The following PHKA2 variants were observed in gnomAD, a reference collection of about 807,000 sequenced individuals.
PHKA2 encodes phosphorylase b kinase regulatory subunit alpha, liver isoform.
Under a neutral mutation model 102.0 loss-of-function variants are expected in PHKA2, and 31 were observed. The observed-to-expected ratio is 0.30, with a 90% CI of 0.23 to 0.41. The LOEUF (loss-of-function observed/expected upper bound fraction) is 0.41. Among genes scored for constraint, PHKA2 ranks in the 10% least tolerant of loss-of-function variants. The pLI, the probability that PHKA2 is intolerant of heterozygous loss-of-function variation, is 1.00. For synonymous variants in PHKA2, 455 were observed against 416.2 expected (o/e 1.09, Z -1.13); for missense variants, 858 against 1,023.1 (o/e 0.84, Z 2.20).
rs151036725 is a variant in PHKA2 at position 18,931,667 on chromosome X, A to T, written c.1219T>A (p.Tyr407Asn). The T allele has an allele frequency of 8.3e-7, 1 of 1,204,652 alleles. No individual in the cohort carries two copies. The highest frequency in any genetic ancestry group is 1.1e-6 in the Non-Finnish European group (1 of 888,913). ...TCTGCCAACAGCGAGCTGAGGATGT[A>T]CAAGGATTGGCCCCACAGATGAGGC... The part of the protein sequence containing the change: ...KVPHLWGQSL[Y>N]ILSSLLAEGF... Residue 407 changes from tyrosine (Y) to asparagine (N), a missense_variant, in exon 12 of 33, where the codon TAC becomes AAC. By Grantham distance (143) the Tyr-to-Asn change is moderately radical. Around this residue, in one of 2 missense-constraint regions of PHKA2, gnomAD observed 671 missense variants for 745.2 expected, o/e 0.90. Coordinates refer to ENST00000379942, the MANE Select transcript of PHKA2 (RefSeq NM_000292.3).
At chrX:18,958,502 G>A (rs912580441) in intron 1 of PHKA2, among the ~76,000 whole-genome samples, 5 of 111,184 alleles carry the variant, frequency 4.5e-5, no homozygotes, top group African/African-American at 9.8e-5. Flanking sequence ...ATAACTATTC[G>A]CTATCTCTGC....
chrX:18,935,236 T>C (rs974094732), intron 11 of PHKA2, among the ~76,000 whole-genome samples: 1 of 112,478 alleles, frequency 8.9e-6, no homozygotes, highest in African/African-American at 3.2e-5. Context: ...AATAGGTCCA[T>C]CATGACCCAA....
chrX:18,972,959 T>C (rs2049035975), intron 1 of PHKA2, among the ~76,000 whole-genome samples: 2 of 112,436 alleles, frequency 1.8e-5, no homozygotes, highest in African/African-American at 6.5e-5. Context: ...ATTTTCACAT[T>C]ACCCTTTATC....
In PHKA2 at chrX:18,901,549, C is replaced by T. The variant is rs1481733304; in HGVS notation, c.2963G>A (p.Gly988Asp). 1 of 1,204,052 alleles carries T rather than the reference C, an allele frequency of 8.3e-7. No homozygotes were observed. The highest frequency in any genetic ancestry group is 1.8e-5 in the African/African-American group (1 of 56,337). The change falls in exon 27 of 33, where the codon GGC becomes GAC. Residue 988 changes from glycine (G) to aspartate (D), a missense_variant. Physicochemically the swap from Gly to Asp is moderately conservative, Grantham distance 94. Coordinates refer to ENST00000379942, the MANE Select transcript of PHKA2 (RefSeq NM_000292.3). ...SSPTISIHEV[G>D]HTGVTKTERS... ...CTCAGTTTTGGTGACTCCGGTATGG[C>T]CCACCTCGTGGATGGAGATGGTAGG...
At chrX:18,895,712 A>G (rs777802657) in intron 30 of PHKA2, 6 of 123,330 alleles carry the variant, frequency 4.9e-5, no homozygotes, top group Non-Finnish European at 1.0e-4. Context: ...TCATAATAGA[A>G]ATATCTTGGT....
At chrX:18,940,990 G>A (rs760485217) in intron 8 of PHKA2, among the ~76,000 whole-genome samples, 14 of 112,328 alleles carry the variant, frequency 1.2e-4, no homozygotes, top group African/African-American at 4.5e-4. Context: ...TGGAACCTAA[G>A]TAGGACAATC....
chrX:18,903,502 G>C (rs777211596), intron 26 of PHKA2, among the ~76,000 whole-genome samples: 1 of 112,592 alleles, frequency 8.9e-6, no homozygotes, highest in Non-Finnish European at 1.9e-5. Context: ...CCCTGTCTGG[G>C]CAGCAGATGC....
In PHKA2 at chrX:18,983,959, C is replaced by T; in HGVS notation, c.-27G>A. 2.6e-6 allele frequency: 3 copies of T among 1,171,828 alleles called. No individual in the cohort carries two copies. The highest frequency in any genetic ancestry group is 3.5e-6 in the Non-Finnish European group (3 of 858,953). On this transcript the variant is annotated 5_prime_UTR_variant, in exon 1 of 33. Coordinates refer to ENST00000379942, the MANE Select transcript of PHKA2 (RefSeq NM_000292.3). ...TCCCCGAGGCTCCCAGGCCGCAGCG[C>T]CCGATCTGCCGCGTGGGCGCGGGAC...
At chrX:18,972,306 C>A (rs1270873191) in intron 1 of PHKA2, among the ~76,000 whole-genome samples, 1 of 111,958 alleles carries the variant, frequency 8.9e-6, no homozygotes, top group African/African-American at 3.2e-5. Context: ...TTTTAATGAC[C>A]TTAGATTTAT....
chrX:18,906,905 G>T, intron 23 of PHKA2, 91 bp from the exon 24 acceptor site: 1 of 1,008,360 alleles, frequency 9.9e-7, no homozygotes, highest in Middle Eastern at 2.6e-4. Flanking sequence ...TTCTGTGCTA[G>T]ACGCATCCAT....
intron 17 of PHKA2, among the ~76,000 whole-genome samples, chrX:18,921,543 T>G (rs903787121): frequency 3.6e-5 from 4 of 112,602 alleles, no homozygotes; most frequent in Admixed American, 1.9e-4. Context: ...TAGTTATAAC[T>G]CCTATATGTA....
At chrX:18,931,107 AAAAG>A (rs2048307952) in intron 12 of PHKA2, among the ~76,000 whole-genome samples, 1 of 112,265 alleles carries the variant, frequency 8.9e-6, no homozygotes, top group African/African-American at 3.2e-5. Flanking sequence ...ATGGTGAACA[AAAAG>A]AAAGGTGTCA....
At chrX:18,921,143 A>C (rs1356064310) in intron 17 of PHKA2, among the ~76,000 whole-genome samples, 1 of 111,225 alleles carries the variant, frequency 9.0e-6, no homozygotes, top group Non-Finnish European at 1.9e-5. Flanking sequence ...AAACCCTCAG[A>C]AATAGGCTGG....
intron 1 of PHKA2, among the ~76,000 whole-genome samples, chrX:18,973,127 C>G (rs1375710034): frequency 9.0e-6 from 1 of 111,321 alleles, no homozygotes; most frequent in Non-Finnish European, 1.9e-5. Flanking sequence ...CTCAGCCTCC[C>G]GAGTAGCTGG....
chrX:18,907,840 G>T (rs1407795689), intron 22 of PHKA2, 60 bp downstream of exon 22: 37 of 1,131,786 alleles, frequency 3.3e-5, no homozygotes, highest in Non-Finnish European at 4.2e-5. Context: ...ATTGGAAGTG[G>T]AAGAGGAAGG....
rs2047476145 is a variant in PHKA2 at position 18,893,802 on chromosome X, G to A, written c.3538-147C>T. 1.1e-5 allele frequency: 6 copies of A among 549,562 alleles called. No individual in the cohort carries two copies. The South Asian group carries it at 1.6e-4, about 15-fold the overall frequency. 45.3% of individuals were successfully genotyped at this position (549,562 alleles called of 1,213,427 possible). A position where few individuals can be genotyped will look rare whatever the true frequency, so the allele number is the denominator to read the frequency against. ...CCTTCTGAGAGGCTCCAATTCTGAG[G>A]GCATGAGGGCACGAAGCCAGCGCTG... is the stretch of plus-strand genomic sequence containing the variant. On this transcript the variant is annotated intron_variant, in intron 32 of 32. Transcript: ENST00000379942.
chrX:18,899,126 C>T (rs780680755), intron 29 of PHKA2, 47 bp downstream of exon 29: 26 of 1,090,257 alleles, frequency 2.4e-5, no homozygotes, highest in African/African-American at 2.2e-4. Context: ...TGAGGAAGGA[C>T]GCGAGGAGGA....
At position 18,948,824 on chromosome X, in the gene PHKA2, A is replaced by G; in HGVS notation, c.457T>C (p.Leu153=). 1 of 1,163,952 alleles carries G rather than the reference A, an allele frequency of 8.6e-7. No homozygotes were observed. Among genetic ancestry groups the G allele is most frequent in the Non-Finnish European group, 1.2e-6 (1 of 853,546 alleles). Residue 153 remains leucine, a splice_region_variant and synonymous_variant, in exon 5 of 33, where the codon TTA becomes CTA. Transcript: ENST00000379942. ...LFLAQMTASG[L]RIIFTLDEVA... Reference sequence around the variant, plus strand: ...TCATCGAGAGTGAAAATGATACGTAAGCCTAGCAAAGAAAAACAATGAGGT... The same window carrying G: ...TCATCGAGAGTGAAAATGATACGTAGGCCTAGCAAAGAAAAACAATGAGGT...
intron 14 of PHKA2, 23 bp downstream of exon 14, chrX:18,926,430 C>T: frequency 8.4e-7 from 1 of 1,184,850 alleles, no homozygotes; most frequent in South Asian, 1.8e-5. Flanking sequence ...CCAAAAAGGC[C>T]CAGGTAATTT....
Sources: gnomAD v4.1 joint callset for allele counts (sites outside exome capture counted in the v4.1 genomes callset) on GRCh38, gnomAD v4.1.1 for gene constraint, gnomAD v4.1.1 regional missense constraint, MANE v1.5 for transcripts, NCBI Gene and HGNC (gene_info 2026-07-23, HGNC 2026-07-21) for gene names.